KDM4C: variants seen among roughly 807,000 people sequenced by gnomAD.
KDM4C encodes lysine demethylase 4C, also known as lysine-specific demethylase 4C.
KDM4C carries 81 observed loss-of-function variants against 129.3 expected under a neutral mutation model. The observed-to-expected ratio is 0.63, with a 90% CI of 0.52 to 0.75. The LOEUF (loss-of-function observed/expected upper bound fraction) is 0.75, where lower values mean the gene tolerates loss of function less well. Ranked by LOEUF, KDM4C falls within the 30% of genes least tolerant of loss-of-function variation. KDM4C has a pLI of 0.00. For missense variants in KDM4C, 1,457 were observed against 1,304.0 expected (o/e 1.12, Z -1.81); for synonymous variants, 573 against 456.1 (o/e 1.26, Z -3.26).
chr9:7,013,409 T>C (rs1178783741), intron 13 of KDM4C, among the ~76,000 whole-genome samples: 3 of 152,176 alleles, frequency 2.0e-5, no homozygotes, highest in Non-Finnish European at 1.5e-5. Context: ...ACTGGGGTCT[T>C]TGTACACTCC....
intron 8 of KDM4C, among the ~76,000 whole-genome samples, chr9:6,894,666 C>T (rs372241710): frequency 2.0e-5 from 3 of 152,146 alleles, no homozygotes; most frequent in South Asian, 4.1e-4. Context: ...AGCTAAACTA[C>T]CATGTACATT....
intron 1 of KDM4C, chr9:6,734,960 TA>T: frequency 1.7e-6 from 1 of 572,014 alleles, no homozygotes. Flanking sequence ...TATGTCTGTC[TA>T]ACACATCAAC....
chr9:6,956,442 A>G (rs935113079), intron 8 of KDM4C, among the ~76,000 whole-genome samples: 4 of 152,210 alleles, frequency 2.6e-5, no homozygotes, highest in African/African-American at 7.2e-5. Flanking sequence ...GACGAAGGCT[A>G]TCTTGTAATT....
intron 15 of KDM4C, among the ~76,000 whole-genome samples, chr9:7,031,519 C>G (rs898557668): frequency 1.3e-5 from 2 of 152,054 alleles, no homozygotes; most frequent in Admixed American, 6.6e-5. Flanking sequence ...TTGATGATCA[C>G]TTGGAATTAG....
intron 15 of KDM4C, among the ~76,000 whole-genome samples, chr9:7,025,959 C>A (rs1446467283): frequency 6.6e-6 from 1 of 152,126 alleles, no homozygotes; most frequent in Non-Finnish European, 1.5e-5. Context: ...AATCCCAGCA[C>A]TCTGGGAGGC....
At chr9:7,134,954 T>C (rs936418123) in intron 19 of KDM4C, among the ~76,000 whole-genome samples, 1 of 152,234 alleles carries the variant, frequency 6.6e-6, no homozygotes, top group African/African-American at 2.4e-5. Flanking sequence ...CTGAAGTCCA[T>C]GGAGGTGGTA....
upstream of KDM4C, among the ~76,000 whole-genome samples, chr9:6,755,497 G>A (rs1161566785): frequency 1.3e-5 from 2 of 152,144 alleles, no homozygotes; most frequent in Non-Finnish European, 2.9e-5. Context: ...GCAGTGAGCC[G>A]ATATGGCGCC....
At chr9:6,980,426 AT>A (rs1487440337) in intron 8 of KDM4C, among the ~76,000 whole-genome samples, 1 of 152,152 alleles carries the variant, frequency 6.6e-6, no homozygotes, top group Non-Finnish European at 1.5e-5. Context: ...TTTGCTCCTA[AT>A]TTTGGGTTAC....
intron 8 of KDM4C, among the ~76,000 whole-genome samples, chr9:6,904,830 G>A (rs1818018303): frequency 6.6e-6 from 1 of 152,000 alleles, no homozygotes; most frequent in Non-Finnish European, 1.5e-5. Flanking sequence ...AGAGGAAAAA[G>A]TAACTAAACG....
chr9:7,009,705 A>G (rs954763530), intron 12 of KDM4C, among the ~76,000 whole-genome samples: 8 of 152,212 alleles, frequency 5.3e-5, no homozygotes, highest in African/African-American at 9.6e-5. Flanking sequence ...AGTTTTGACT[A>G]TGTAGATGCC....
chr9:6,954,668 A>C (rs1286530560), intron 8 of KDM4C, among the ~76,000 whole-genome samples: 1 of 152,218 alleles, frequency 6.6e-6, no homozygotes, highest in African/African-American at 2.4e-5. Context: ...TACAAGGCTA[A>C]GATATTCTAA....
At chr9:6,811,453 C>G (rs1051668578) in intron 3 of KDM4C, among the ~76,000 whole-genome samples, 4 of 152,138 alleles carry the variant, frequency 2.6e-5, no homozygotes, top group Non-Finnish European at 4.4e-5. Flanking sequence ...TTCTTTAGCA[C>G]CTGACCTGGC....
chr9:7,098,813 A>G (rs1836748579), intron 17 of KDM4C, among the ~76,000 whole-genome samples: 1 of 152,230 alleles, frequency 6.6e-6, no homozygotes, highest in South Asian at 2.1e-4. Flanking sequence ...TAGAACTCAG[A>G]CTTCCCCCAG....
Position 6,758,411 on chromosome 9 carries a change from G to C in KDM4C, c.-18+208G>C, listed in dbSNP as rs1169544697. ...GCGGCCGCAGGGGAGGGATGCGGGG[G>C]CCGGTGACAGCCCGCTCCGGCCCTT... On this transcript the variant is annotated intron_variant, in intron 1 of 21. Coordinates refer to ENST00000381309, the MANE Select transcript of KDM4C (RefSeq NM_015061.6). The surrounding 1 kb of genome is among the most constrained non-coding windows in gnomAD (Gnocchi z 4.6). Among the ~76,000 whole-genome samples the C allele has an allele frequency of 6.6e-6, 1 of 152,186 alleles. No homozygotes were observed. Among genetic ancestry groups the C allele is most frequent in the African/African-American group, 2.4e-5 (1 of 41,458 alleles).
intron 17 of KDM4C, among the ~76,000 whole-genome samples, chr9:7,074,453 C>T (rs1360103326): frequency 6.6e-6 from 1 of 152,130 alleles, no homozygotes; most frequent in African/African-American, 2.4e-5. Flanking sequence ...GGGTATGAGC[C>T]ACTGTGCCCA....
chr9:6,849,798 A>G (rs1838502816), intron 5 of KDM4C, 98 bp downstream of exon 5: 2 of 960,418 alleles, frequency 2.1e-6, no homozygotes, highest in African/African-American at 1.6e-5. Context: ...TGGTGGATTC[A>G]GATTTATGTG....
chr9:6,984,480 C>A, intron 10 of KDM4C, 76 bp downstream of exon 10: 1 of 917,712 alleles, frequency 1.1e-6, no homozygotes, highest in Non-Finnish European at 1.8e-6. Context: ...TGGATGTTCA[C>A]TATGACAAGT....
chr9:6,751,171 C>A (rs1309626594), intron 1 of KDM4C, among the ~76,000 whole-genome samples: 2 of 152,170 alleles, frequency 1.3e-5, no homozygotes, highest in African/African-American at 4.8e-5. Context: ...CTAGGCCGGG[C>A]ATGGTGTCTC....
At chr9:7,036,046 A>C (rs1827589777) in intron 15 of KDM4C, among the ~76,000 whole-genome samples, 1 of 151,992 alleles carries the variant, frequency 6.6e-6, no homozygotes. Context: ...TTTGATAGGG[A>C]TTGCATTGAA....
Sources: gnomAD v4.1 joint callset for allele counts (sites outside exome capture counted in the v4.1 genomes callset) on GRCh38, gnomAD v4.1.1 for gene constraint, Gnocchi (gnomAD v3.1) non-coding constraint, MANE v1.5 for transcripts, NCBI Gene and HGNC (gene_info 2026-07-23, HGNC 2026-07-21) for gene names.